Variants in SUPT3H observed in about 807,000 individuals in gnomAD.
The protein encoded by SUPT3H is transcription initiation protein SPT3 homolog.
In SUPT3H, 44 loss-of-function variants were observed where a neutral mutation model predicts 44.3. The observed-to-expected ratio is 0.99, with a 90% CI of 0.78 to 1.28. SUPT3H has a LOEUF of 1.28. Among genes scored for constraint, SUPT3H ranks in the 50% most tolerant of loss-of-function variants. SUPT3H has a pLI of 0.00. For synonymous variants in SUPT3H, 124 were observed against 125.6 expected, an observed-to-expected ratio of 0.99 and a Z score of 0.09; for missense variants, 380 against 387.1, an observed-to-expected ratio of 0.98 and a Z score of 0.15.
At chr6:45,028,554 T>C (rs1786389921) in intron 3 of SUPT3H, among the ~76,000 whole-genome samples, 1 of 152,102 alleles carries the variant, frequency 6.6e-6, no homozygotes, top group Admixed American at 6.6e-5. Flanking sequence ...AGTGGAGTTT[T>C]CAGAGTTTGA....
chr6:45,071,962 A>G (rs1024448632), intron 3 of SUPT3H, among the ~76,000 whole-genome samples: 1 of 152,218 alleles, frequency 6.6e-6, no homozygotes, highest in East Asian at 1.9e-4. Flanking sequence ...ATCTCTCTAC[A>G]GTGCCCTGTC....
intron 2 of SUPT3H, among the ~76,000 whole-genome samples, chr6:45,191,019 C>T (rs1315949604): frequency 6.6e-6 from 1 of 151,964 alleles, no homozygotes; most frequent in Non-Finnish European, 1.5e-5. Flanking sequence ...TCTTATAAAA[C>T]TAAACATATT....
chr6:45,127,112 G>A lies in SUPT3H; in HGVS notation c.102-21106C>T, dbSNP rs577385037. Among the ~76,000 whole-genome samples the A allele has an allele frequency of 2.0e-5, 3 of 152,214 alleles. No homozygotes were observed. The South Asian group carries it at 6.2e-4, about 32-fold the overall frequency. Reference sequence around the variant, plus strand: ...GGGCAGATCATGAGGTCAGGAGTTCGAGACCAGCCTGACCAACATGGTGAA... The same window carrying A: ...GGGCAGATCATGAGGTCAGGAGTTCAAGACCAGCCTGACCAACATGGTGAA... On this transcript the variant is annotated intron_variant, in intron 2 of 10. Transcript: ENST00000371459.
At chr6:45,231,159 T>C (rs973363526) in intron 2 of SUPT3H, among the ~76,000 whole-genome samples, 9 of 152,184 alleles carry the variant, frequency 5.9e-5, no homozygotes, top group South Asian at 2.1e-4. Context: ...TCTTTTTTTC[T>C]TCCTCATTTG....
intron 2 of SUPT3H, among the ~76,000 whole-genome samples, chr6:45,351,127 C>G (rs147132843): frequency 6.6e-6 from 1 of 152,144 alleles, no homozygotes; most frequent in African/African-American, 2.4e-5. Context: ...ATGCCTTCCA[C>G]GAAACTGGTC....
At chr6:45,332,088 G>A (rs16873344) in intron 2 of SUPT3H, among the ~76,000 whole-genome samples, 2,261 of 151,960 alleles carry the variant, frequency 0.015, 59 homozygotes, top group African/African-American at 0.05. Context: ...TTAAAGCAGC[G>A]CTAATCAATT....
intron 2 of SUPT3H, among the ~76,000 whole-genome samples, chr6:45,358,134 T>C (rs1793572924): frequency 2.0e-5 from 3 of 152,100 alleles, no homozygotes; most frequent in South Asian, 2.1e-4. Flanking sequence ...AAATCAAATA[T>C]AAAAACAGGT....
chr6:44,956,937 T>A (rs1289360527), intron 7 of SUPT3H, among the ~76,000 whole-genome samples: 1 of 152,228 alleles, frequency 6.6e-6, no homozygotes, highest in Non-Finnish European at 1.5e-5. Flanking sequence ...TGTCTCTGCA[T>A]GTGTAATAGT....
intron 2 of SUPT3H, among the ~76,000 whole-genome samples, chr6:45,266,538 T>C (rs1248593182): frequency 2.0e-5 from 3 of 151,898 alleles, no homozygotes; most frequent in South Asian, 2.1e-4. Flanking sequence ...AGAAAAATAG[T>C]ATATTTAAAT....
intron 2 of SUPT3H, among the ~76,000 whole-genome samples, chr6:45,168,125 C>T (rs571341437): frequency 3.3e-5 from 5 of 151,800 alleles, no homozygotes; most frequent in Admixed American, 1.3e-4. Flanking sequence ...TCACTTCTTA[C>T]ATCATATGAA....
At chr6:45,107,431 C>T (rs1799438129) in intron 2 of SUPT3H, among the ~76,000 whole-genome samples, 1 of 152,118 alleles carries the variant, frequency 6.6e-6, no homozygotes, top group South Asian at 2.1e-4. Context: ...ATGATGGTGA[C>T]ACCCTCAATG....
intron 2 of SUPT3H, among the ~76,000 whole-genome samples, chr6:45,155,764 C>T (rs1191549139): frequency 6.6e-6 from 1 of 151,984 alleles, no homozygotes; most frequent in African/African-American, 2.4e-5. Flanking sequence ...GACTAAGGGG[C>T]AAGACTGAGA....
intron 2 of SUPT3H, among the ~76,000 whole-genome samples, chr6:45,347,748 C>T (rs1428781839): frequency 6.6e-6 from 1 of 151,190 alleles, no homozygotes; most frequent in African/African-American, 2.4e-5. Context: ...CAAAAAAGAA[C>T]TTCACAATTC....
intron 2 of SUPT3H, chr6:45,328,320 T>C: frequency 3.6e-6 from 5 of 1,372,182 alleles, no homozygotes; most frequent in Non-Finnish European, 4.9e-6. Flanking sequence ...TTGGATTGTG[T>C]GAATGCTTCA....
chr6:45,000,952 G>A (rs535471204), intron 6 of SUPT3H, among the ~76,000 whole-genome samples: 1 of 152,180 alleles, frequency 6.6e-6, no homozygotes, highest in South Asian at 2.1e-4. Context: ...AGACTAGATA[G>A]TTTACTTGAT....
At position 45,366,629 on chromosome 6, in the gene SUPT3H, A is replaced by T. The variant is rs190256889; in HGVS notation, c.1-1328T>A. ...TTTTTTCACAATCAGGCAAGTTTTT[A>T]AAACTTAAACATTTTTACTAAAAGA... On this transcript the variant is annotated intron_variant, in intron 1 of 10. Transcript: ENST00000371459. Among the ~76,000 whole-genome samples the T allele has an allele frequency of 6.4e-4, 98 of 152,318 alleles. 1 individual carries two copies. The highest frequency in any genetic ancestry group is 6.3e-3 in the Admixed American group (97 of 15,296).
At chr6:44,932,796 A>G (rs1770802429) in intron 9 of SUPT3H, 33 bp from the exon 10 acceptor site, 1 of 1,427,010 alleles carries the variant, frequency 7.0e-7, no homozygotes, top group Non-Finnish European at 9.7e-7. Context: ...TTGTTACTAA[A>G]TCAAAAACAC....
intron 9 of SUPT3H, among the ~76,000 whole-genome samples, chr6:44,937,040 T>C (rs1771553851): frequency 6.6e-6 from 1 of 152,164 alleles, no homozygotes; most frequent in Non-Finnish European, 1.5e-5. Context: ...CATCTGTTGA[T>C]GGAAACTTAG....
intron 2 of SUPT3H, among the ~76,000 whole-genome samples, chr6:45,345,390 C>T (rs1470395143): frequency 1.3e-5 from 2 of 152,098 alleles, no homozygotes; most frequent in African/African-American, 4.8e-5. Context: ...AATTTTGTAT[C>T]TCTATTCCTT....
Sources: allele counts gnomAD v4.1 joint callset (sites outside exome capture counted in the v4.1 genomes callset), GRCh38; gene constraint gnomAD v4.1.1; transcripts MANE v1.5; gene names NCBI Gene and HGNC (gene_info 2026-07-23, HGNC 2026-07-21).